P3H2: variants seen among roughly 807,000 people sequenced by gnomAD.
The protein encoded by P3H2 is prolyl 3-hydroxylase 2.
In P3H2, 80 loss-of-function variants were observed where a neutral mutation model predicts 87.0. The ratio of observed to expected loss-of-function variants is 0.92; its 90% CI spans 0.77 to 1.11. The LOEUF is 1.11. P3H2 is among the 50% of genes least tolerant of loss of function. P3H2 has a pLI of 0.00. For synonymous variants in P3H2, 367 were observed against 359.3 expected (o/e 1.02, Z -0.24); for missense variants, 1,001 against 923.9 (o/e 1.08, Z -1.08).
chr3:190,006,643 T>C (rs1329940568), intron 1 of P3H2, among the ~76,000 whole-genome samples: 2 of 152,130 alleles, frequency 1.3e-5, no homozygotes, highest in Non-Finnish European at 2.9e-5. Flanking sequence ...TGGCAGGCAA[T>C]ATAATGCTGT....
At chr3:189,961,733 C>G (rs1487535814) in intron 14 of P3H2, among the ~76,000 whole-genome samples, 4 of 152,224 alleles carry the variant, frequency 2.6e-5, no homozygotes, top group Non-Finnish European at 5.9e-5. Flanking sequence ...CCACTAGATG[C>G]CGCTACGGCC....
At chr3:189,989,689 T>G (rs1723820054) in intron 3 of P3H2, among the ~76,000 whole-genome samples, 1 of 152,240 alleles carries the variant, frequency 6.6e-6, no homozygotes, top group African/African-American at 2.4e-5. Context: ...CATTGTATAT[T>G]CTTTACCAGA....
At chr3:190,087,944 G>A (rs761703033) in intron 1 of P3H2, among the ~76,000 whole-genome samples, 1 of 152,178 alleles carries the variant, frequency 6.6e-6, no homozygotes, top group Non-Finnish European at 1.5e-5. Context: ...ATTGGTCCAA[G>A]TGTTCAACAA....
At chr3:189,985,621 TTAATAA>T in intron 6 of P3H2, among the ~76,000 whole-genome samples, 1 of 149,424 alleles carries the variant, frequency 6.7e-6, no homozygotes, top group South Asian at 2.1e-4. Flanking sequence ...TATAAATAAA[TTAATAA>T]TAAATAATTT....
intron 13 of P3H2, chr3:189,969,307 C>A: frequency 1.1e-6 from 1 of 918,782 alleles, no homozygotes; most frequent in Non-Finnish European, 1.8e-6. Context: ...CCCCCAGGTG[C>A]AGAACATGAA....
chr3:189,989,717 G>C (rs1463955882), intron 3 of P3H2, among the ~76,000 whole-genome samples: 1 of 152,138 alleles, frequency 6.6e-6, no homozygotes, highest in African/African-American at 2.4e-5. Context: ...AAAACAGGCA[G>C]AAGGATGTAA....
At chr3:190,088,371 A>G (rs943237654) in intron 1 of P3H2, among the ~76,000 whole-genome samples, 1 of 152,232 alleles carries the variant, frequency 6.6e-6, no homozygotes, top group East Asian at 1.9e-4. Flanking sequence ...CAGGTTATTC[A>G]TTAAGCTCAA....
At chr3:189,960,799 C>G (rs1186038463) in intron 14 of P3H2, among the ~76,000 whole-genome samples, 1 of 152,124 alleles carries the variant, frequency 6.6e-6, no homozygotes, top group African/African-American at 2.4e-5. Context: ...AAAACAAAGC[C>G]CCTTTCATGC....
At chr3:189,969,507 T>TGA in intron 13 of P3H2, 1 of 1,059,186 alleles carries the variant, frequency 9.4e-7, no homozygotes, top group Non-Finnish European at 1.5e-6. Flanking sequence ...TGAGGTCTCA[T>TGA]ACTGGTCCTG....
Position 189,972,897 on chromosome 3 carries a change from A to G in P3H2, c.1676T>C (p.Met559Thr). 1.2e-6 allele frequency: 2 copies of G among 1,614,142 alleles called. No individual in the cohort carries two copies. Among genetic ancestry groups the G allele is most frequent in the Non-Finnish European group, 1.7e-6 (2 of 1,179,996 alleles). ...NSTLYFSYTH[M>T]VCRTALSGQQ... ...ACCAGACAGGGCTGTTCGGCAGACC[A>G]TGTGTGTATAGGAAAAATACAGAGT... Residue 559 changes from methionine (M) to threonine (T), a missense_variant, in exon 11 of 15, where the codon ATG (methionine) becomes ACG (threonine). Transcript: ENST00000319332.
intron 8 of P3H2, among the ~76,000 whole-genome samples, chr3:189,982,733 A>G (rs920587777): frequency 3.3e-5 from 5 of 152,224 alleles, no homozygotes; most frequent in African/African-American, 1.2e-4. Flanking sequence ...ACAGAAGTAA[A>G]CCATAGGAAA....
Position 189,957,748 on chromosome 3 carries a change from T to A in P3H2, c.*164A>T, listed in dbSNP as rs541405494. On this transcript the variant is annotated 3_prime_UTR_variant, in exon 15 of 15. Transcript: ENST00000319332. ...AGAAAACAACCCAAAACAAGAAAGA[T>A]AGATTGATAGATTGAGGCAACACAA... The A allele has an allele frequency of 3.2e-6, 2 of 620,342 alleles. No individual in the cohort carries two copies. Among genetic ancestry groups the A allele is most frequent in the Admixed American group, 2.7e-5 (1 of 36,848 alleles). 38.4% of individuals were successfully genotyped at this position (620,342 alleles called of 1,614,324 possible).
Position 189,957,247 on chromosome 3 carries a change from CA to C in P3H2, c.*664del. 2.5e-6 allele frequency: 1 copy of C among 399,274 alleles called. No homozygotes were observed. Among genetic ancestry groups the C allele is most frequent in the Non-Finnish European group, 4.4e-6 (1 of 226,708 alleles). The allele number at this position is 399,274 out of a possible 1,614,324, so 24.7% of individuals were successfully genotyped here. On this transcript the variant is annotated 3_prime_UTR_variant, in exon 15 of 15. Transcript: ENST00000319332. Reference sequence around the variant, plus strand: ...GACTCTGCCAGGGGCTCCTCAGACCCAAAGTGGAGCTCACTTTGGAGAGTCG... The same window carrying C: ...GACTCTGCCAGGGGCTCCTCAGACCCAAGTGGAGCTCACTTTGGAGAGTCG...
intron 1 of P3H2, among the ~76,000 whole-genome samples, chr3:190,091,956 T>C (rs7650370): frequency 0.027 from 4,078 of 152,230 alleles, 80 homozygotes; most frequent in African/African-American, 0.043. Flanking sequence ...TTTCCAGCCA[T>C]GCGCAGTGGC....
At chr3:190,017,382 C>G (rs1724789942) in intron 1 of P3H2, among the ~76,000 whole-genome samples, 1 of 152,058 alleles carries the variant, frequency 6.6e-6, no homozygotes, top group African/African-American at 2.4e-5. Flanking sequence ...TGGGAATCAT[C>G]CCCCAAAAAA....
chr3:190,011,120 A>C (rs1724573195), intron 1 of P3H2, among the ~76,000 whole-genome samples: 1 of 152,082 alleles, frequency 6.6e-6, no homozygotes, highest in African/African-American at 2.4e-5. Context: ...CTAAAAATAC[A>C]AACAATTAAC....
intron 13 of P3H2, among the ~76,000 whole-genome samples, chr3:189,966,372 C>T (rs867096457): frequency 8.5e-5 from 13 of 152,130 alleles, no homozygotes; most frequent in African/African-American, 2.9e-4. Flanking sequence ...TTAGTATTTT[C>T]TTTCTTCTGG....
intron 1 of P3H2, among the ~76,000 whole-genome samples, chr3:190,066,648 G>C (rs1448357002): frequency 6.6e-6 from 1 of 151,858 alleles, no homozygotes; most frequent in Non-Finnish European, 1.5e-5. Flanking sequence ...ATAAAAAAAT[G>C]GAAAAAAGAA....
chr3:190,048,823 G>A (rs1182076220), intron 1 of P3H2, among the ~76,000 whole-genome samples: 2 of 152,096 alleles, frequency 1.3e-5, no homozygotes, highest in Admixed American at 1.3e-4. Flanking sequence ...AAAATAAATA[G>A]AAGTTCTATA....
Sources: allele counts gnomAD v4.1 joint callset (sites outside exome capture counted in the v4.1 genomes callset), GRCh38; gene constraint gnomAD v4.1.1; transcripts MANE v1.5; gene names NCBI Gene and HGNC (gene_info 2026-07-23, HGNC 2026-07-21).